PRDM6: variants seen among roughly 807,000 people sequenced by gnomAD.
PRDM6 encodes putative histone-lysine N-methyltransferase PRDM6.
PRDM6 carries 25 observed loss-of-function variants against 60.8 expected under a neutral mutation model. The ratio of observed to expected loss-of-function variants is 0.41; its 90% confidence interval spans 0.30 to 0.57. PRDM6 has a LOEUF of 0.57. Ranked by LOEUF, PRDM6 falls within the 20% of genes least tolerant of loss-of-function variation. The pLI is 0.27. For synonymous variants in PRDM6, 407 were observed against 357.4 expected, an observed-to-expected ratio of 1.14 and a Z score of -1.57; for missense variants, 839 against 821.3, an observed-to-expected ratio of 1.02 and a Z score of -0.26.
rs981392519 is a variant in PRDM6 at position 123,194,240 on chromosome 5, T to C, written c.*7039T>C. The C allele has an allele frequency of 3.9e-5, 6 of 152,098 alleles. No individual in the cohort carries two copies. The highest frequency in any genetic ancestry group is 1.4e-4 in the African/African-American group (6 of 41,424). The allele number at this position is 152,098 out of a possible 1,614,324, so 9.4% of individuals were successfully genotyped here. On this transcript the variant is annotated 3_prime_UTR_variant, in exon 8 of 8. Transcript: ENST00000407847. ...ACCAAGAAATGTAAATATATTTGAT[T>C]AATAAAACGTTTTTATGATGACTCG...
chr5:123,101,638 C>T (rs998950924), intron 3 of PRDM6, among the ~76,000 whole-genome samples: 7 of 152,150 alleles, frequency 4.6e-5, no homozygotes, highest in Admixed American at 4.6e-4. Context: ...AAACTGAACA[C>T]TATTATATTG....
intron 2 of PRDM6, among the ~76,000 whole-genome samples, chr5:123,091,863 A>G (rs528673577): frequency 6.6e-6 from 1 of 152,334 alleles, no homozygotes; most frequent in East Asian, 1.9e-4. Flanking sequence ...CCGCTCTGTG[A>G]ACTTCTTAAT....
chr5:123,164,189 C>T (rs1341880853), intron 5 of PRDM6, among the ~76,000 whole-genome samples: 1 of 152,168 alleles, frequency 6.6e-6, no homozygotes, highest in Admixed American at 6.5e-5. Context: ...CAATATCAAA[C>T]ACTGTGCAGA....
At chr5:123,160,059 G>C (rs34813272) in intron 5 of PRDM6, among the ~76,000 whole-genome samples, 1,863 of 152,344 alleles carry the variant, frequency 0.012, 18 homozygotes, top group Middle Eastern at 0.054. Flanking sequence ...AGAAAGCAAT[G>C]ACATTTAATC....
intron 3 of PRDM6, among the ~76,000 whole-genome samples, chr5:123,147,324 T>G (rs1213547747): frequency 1.4e-5 from 2 of 145,946 alleles, no homozygotes; most frequent in Admixed American, 1.4e-4. Flanking sequence ...AACAAGAAAC[T>G]GCTCCATGCA....
rs1020651827 is a variant in PRDM6, at chr5:123,098,715, A to G, written c.593-939A>G. On this transcript the variant is annotated intron_variant, in intron 2 of 7. Transcript: ENST00000407847. Reference sequence around the variant, plus strand: ...TAGCCTGGAGAACAGCCGTCGGGGCAGGAGTTGGTGCCTTCTCTAACAATT... The same window carrying G: ...TAGCCTGGAGAACAGCCGTCGGGGCGGGAGTTGGTGCCTTCTCTAACAATT... Among the ~76,000 whole-genome samples, 11 of 152,340 alleles carry G rather than the reference A, an allele frequency of 7.2e-5. No homozygotes were observed. The East Asian group carries it at 1.5e-3, about 21-fold the overall frequency.
intron 6 of PRDM6, among the ~76,000 whole-genome samples, chr5:123,174,502 A>G (rs541431320): frequency 4.5e-4 from 68 of 152,376 alleles, no homozygotes; most frequent in African/African-American, 1.5e-3. Context: ...TAGAGTTTCA[A>G]ACAAGTCCAA....
Position 123,090,094 on chromosome 5 carries a change from T to A in PRDM6, c.80T>A (p.Phe27Tyr). ...PAYLQHWQQLFPHGGAGPLKG... is the reference protein window; with the variant it reads ...PAYLQHWQQLYPHGGAGPLKG... ...TACCTGCAGCACTGGCAGCAACTCTTCCCTCACGGAGGCGCAGGCCCGCTC... is the reference window on the plus strand; with the variant it reads ...TACCTGCAGCACTGGCAGCAACTCTACCCTCACGGAGGCGCAGGCCCGCTC... The change falls in exon 2 of 8, where the codon TTC becomes TAC. Residue 27 changes from phenylalanine to tyrosine, a missense_variant. Transcript: ENST00000407847. 1 of 1,546,178 alleles carries A rather than the reference T, an allele frequency of 6.5e-7. No individual in the cohort carries two copies. The highest frequency in any genetic ancestry group is 2.5e-5 in the East Asian group (1 of 40,294).
chr5:123,090,181 C>T lies in PRDM6; in HGVS notation c.167C>T (p.Pro56Leu), dbSNP rs1561791462. The part of the protein sequence containing the change: ...APQPLQPPPP[P>L]PPPERAEPPP... ...CAGCCTCTTCAGCCGCCGCCGCCGC[C>T]CCCGCCCCCGGAGCGCGCTGAGCCT... is the stretch of plus-strand genomic sequence containing the variant. Residue 56 changes from proline (P) to leucine (L), a missense_variant, in exon 2 of 8, where the codon CCC (proline) becomes CTC (leucine). Physicochemically the swap from Pro to Leu is moderately conservative, Grantham distance 98. This residue lies in a region of PRDM6 where 730 missense variants were observed against 648.8 expected (regional missense o/e 1.13). Transcript: ENST00000407847. 4 of 1,487,384 alleles carry T rather than the reference C, an allele frequency of 2.7e-6. No homozygotes were observed. The highest frequency in any genetic ancestry group is 3.6e-6 in the Non-Finnish European group (4 of 1,122,564). The allele number at this position is 1,487,384 out of a possible 1,614,324, so 92.1% of individuals were successfully genotyped here. A position where few individuals can be genotyped will look rare whatever the true frequency, so the allele number is the denominator to read the frequency against.
Position 123,187,097 on chromosome 5 carries a change from T to G in PRDM6, c.1684T>G (p.Cys562Gly). ...TGEKPFKCER[C>G]ERSFTQATQL... is the part of the protein sequence containing the mutation. ...TCTTGCCTCCACCAGGTGCGAGAGGTGTGAGAGGAGCTTCACGCAGGCCAC... is the reference window on the plus strand; with the variant it reads ...TCTTGCCTCCACCAGGTGCGAGAGGGGTGAGAGGAGCTTCACGCAGGCCAC... Residue 562 changes from cysteine to glycine, a missense_variant, in exon 8 of 8, where the codon TGT (cysteine) becomes GGT (glycine). Around this residue, in one of 2 missense-constraint regions of PRDM6, gnomAD observed 109 missense variants for 172.6 expected, o/e 0.63. Transcript: ENST00000407847. 2 of 1,551,242 alleles carry G rather than the reference T, an allele frequency of 1.3e-6. No homozygotes were observed. The highest frequency in any genetic ancestry group is 1.7e-6 in the Non-Finnish European group (2 of 1,146,746).
At chr5:123,134,431 G>C (rs75294985) in intron 3 of PRDM6, among the ~76,000 whole-genome samples, 2 of 152,096 alleles carry the variant, frequency 1.3e-5, no homozygotes, top group African/African-American at 4.8e-5. Context: ...AAAGTAATAA[G>C]TTTATTTTAA....
intron 3 of PRDM6, among the ~76,000 whole-genome samples, chr5:123,144,482 C>T (rs1765191779): frequency 6.6e-6 from 1 of 152,050 alleles, no homozygotes; most frequent in Non-Finnish European, 1.5e-5. Context: ...GAGAGGAGAA[C>T]TGGGGCCTGA....
At chr5:123,137,911 T>C (rs942392479) in intron 3 of PRDM6, among the ~76,000 whole-genome samples, 1 of 152,158 alleles carries the variant, frequency 6.6e-6, no homozygotes, top group African/African-American at 2.4e-5. Flanking sequence ...AGGAACAAAC[T>C]GATTTCAAGT....
intron 5 of PRDM6, among the ~76,000 whole-genome samples, chr5:123,167,453 G>A (rs1027482768): frequency 6.6e-6 from 1 of 151,550 alleles, no homozygotes; most frequent in Non-Finnish European, 1.5e-5. Flanking sequence ...GCAATGGCAC[G>A]GTCTCGGCTC....
intron 3 of PRDM6, among the ~76,000 whole-genome samples, chr5:123,153,040 A>G (rs1404797933): frequency 6.6e-6 from 1 of 152,208 alleles, no homozygotes; most frequent in African/African-American, 2.4e-5. Flanking sequence ...GACCAAAAGC[A>G]ATGGTTTGAA....
rs1764692516 is a variant in PRDM6 at position 123,126,279 on chromosome 5, G to A, written c.900+26318G>A. Among the ~76,000 whole-genome samples, 3 of 152,024 alleles carry A rather than the reference G, an allele frequency of 2.0e-5. No homozygotes were observed. In the South Asian group the frequency reaches 6.2e-4, roughly 31 times the overall value. ...AGAGGGGACAGAGGCTGCCTCCAGGGTTCCATAAGTTATGTCACAGTGATG... is the reference window on the plus strand; with the variant it reads ...AGAGGGGACAGAGGCTGCCTCCAGGATTCCATAAGTTATGTCACAGTGATG... On this transcript the variant is annotated intron_variant, in intron 3 of 7. Coordinates refer to ENST00000407847, the MANE Select transcript of PRDM6 (RefSeq NM_001136239.4).
At chr5:123,103,667 C>T (rs995338277) in intron 3 of PRDM6, among the ~76,000 whole-genome samples, 3 of 151,936 alleles carry the variant, frequency 2.0e-5, no homozygotes, top group South Asian at 2.1e-4. Context: ...TCTAGTTGCA[C>T]ACGGTTTCCT....
chr5:123,138,560 AT>A (rs1224202228), intron 3 of PRDM6, among the ~76,000 whole-genome samples: 4 of 152,200 alleles, frequency 2.6e-5, no homozygotes, highest in Non-Finnish European at 5.9e-5. Flanking sequence ...TACTTTAGGG[AT>A]TTGGGAAAGT....
In PRDM6 at chr5:123,180,338, G is replaced by T; in HGVS notation, c.1673+15G>T. ...AAGCCCTTCAAGTAAGTAGTGGCTA[G>T]CCCTCCACCCTCTCTTTCTCTTAGC... On this transcript the variant is annotated intron_variant, in intron 7 of 7. Transcript: ENST00000407847. 6.5e-7 allele frequency: 1 copy of T among 1,541,294 alleles called. No homozygotes were observed. The highest frequency in any genetic ancestry group is 1.4e-5 in the African/African-American group (1 of 73,066).
Sources: gnomAD v4.1 joint callset for allele counts (sites outside exome capture counted in the v4.1 genomes callset) on GRCh38, gnomAD v4.1.1 for gene constraint, gnomAD v4.1.1 regional missense constraint, MANE v1.5 for transcripts, NCBI Gene and HGNC (gene_info 2026-07-23, HGNC 2026-07-21) for gene names.